Variants in RPS3 observed in about 807,000 individuals in gnomAD.
RPS3 encodes the protein small ribosomal subunit protein uS3.
A neutral mutation model predicts 25.8 loss-of-function variants in RPS3; 2 were observed. That is an observed-to-expected ratio of 0.08 (90% confidence interval 0.03 to 0.24). The LOEUF (loss-of-function observed/expected upper bound fraction) is 0.24. Ranked by LOEUF, RPS3 falls within the 10% of genes least tolerant of loss-of-function variation. The pLI is 1.00. For synonymous variants in RPS3, 114 were observed against 114.2 expected (o/e 1.00, Z 0.01); for missense variants, 107 against 307.1 (o/e 0.35, Z 4.87).
chr11:75,407,568 T>C (rs566151500), downstream of RPS3, among the ~76,000 whole-genome samples: 1 of 152,174 alleles, frequency 6.6e-6, no homozygotes, highest in African/African-American at 2.4e-5. Context: ...GCCTCCCTGG[T>C]TCACACCATC....
intron 6 of RPS3, among the ~76,000 whole-genome samples, chr11:75,420,300 C>T (rs1948432396): frequency 6.6e-6 from 1 of 152,206 alleles, no homozygotes; most frequent in African/African-American, 2.4e-5. Context: ...TGTTTGTGAA[C>T]CTCTCTTATC....
downstream of RPS3, chr11:75,407,041 A>G (rs1335812152): frequency 3.3e-5 from 5 of 152,222 alleles, no homozygotes; most frequent in Non-Finnish European, 5.9e-5. Context: ...AGACTGCTCT[A>G]TATTCTCATT....
chr11:75,411,464 A>C (rs1948355470), downstream of RPS3, among the ~76,000 whole-genome samples: 1 of 152,018 alleles, frequency 6.6e-6, no homozygotes, highest in Non-Finnish European at 1.5e-5. Context: ...ATCTCGGCTC[A>C]CTGCAAGCTC....
intron 6 of RPS3, among the ~76,000 whole-genome samples, chr11:75,418,376 A>G (rs1265906545): frequency 6.6e-6 from 1 of 152,202 alleles, no homozygotes; most frequent in Non-Finnish European, 1.5e-5. Flanking sequence ...ACATTTTTTA[A>G]CCGTATTTGG....
At position 75,405,082 on chromosome 11, in the gene RPS3, C is replaced by T. The variant is rs1214393826; in HGVS notation, c.*3+214C>T. On this transcript the variant is annotated intron_variant, in intron 6 of 6. Coordinates refer to ENST00000531188, the MANE Select transcript of RPS3 (RefSeq NM_001005.5). Reference sequence around the variant, plus strand: ...CCTTTATTCTTTCCAGAAAGAAGTTCCTGCTTTTACTCGTGTATATGAAAT... The same window carrying T: ...CCTTTATTCTTTCCAGAAAGAAGTTTCTGCTTTTACTCGTGTATATGAAAT... 9.7e-6 allele frequency: 4 copies of T among 412,228 alleles called. No individual in the cohort carries two copies. The Admixed American group carries it at 1.6e-4, about 17-fold the overall frequency. The allele number at this position is 412,228 out of a possible 1,614,324, so 25.5% of individuals were successfully genotyped here.
At chr11:75,419,127 A>G (rs955798840) in intron 6 of RPS3, among the ~76,000 whole-genome samples, 6 of 152,204 alleles carry the variant, frequency 3.9e-5, no homozygotes, top group Non-Finnish European at 7.3e-5. Context: ...TACCCTCAGC[A>G]TACCAGGAAA....
At position 75,406,661 on chromosome 11, in the gene RPS3, T is replaced by C. The variant is rs1234729975; in HGVS notation, c.*1051T>C. 1 of 152,218 alleles carries C rather than the reference T, an allele frequency of 6.6e-6. No homozygotes were observed. Among genetic ancestry groups the C allele is most frequent in the African/African-American group, 2.4e-5 (1 of 41,452 alleles). 9.4% of individuals were successfully genotyped at this position (152,218 alleles called of 1,614,324 possible). ...ACTCATAAATTGGTCATCTTAACCA[T>C]TTAAGTGTACACTTCTATAGTGACA... On this transcript the variant is annotated 3_prime_UTR_variant, in exon 7 of 7. Transcript: ENST00000531188.
At chr11:75,401,900 T>G in intron 3 of RPS3, 167 bp downstream of exon 3, 1 of 597,300 alleles carries the variant, frequency 1.7e-6, no homozygotes, top group Non-Finnish European at 3.0e-6. Flanking sequence ...ATTCTGCTAA[T>G]GGCTGATGGT....
At chr11:75,416,379 A>G (rs1482025334) in intron 6 of RPS3, among the ~76,000 whole-genome samples, 3 of 152,252 alleles carry the variant, frequency 2.0e-5, no homozygotes, top group African/African-American at 7.2e-5. Context: ...ATAGCTGGGC[A>G]GATAATCAAT....
At chr11:75,407,384 C>T (rs773332462), downstream of RPS3, among the ~76,000 whole-genome samples, 1 of 152,240 alleles carries the variant, frequency 6.6e-6, no homozygotes, top group Admixed American at 6.5e-5. Flanking sequence ...GTGATCCCCC[C>T]ACCTCGGCCT....
chr11:75,417,545 C>T (rs949805930), intron 6 of RPS3, among the ~76,000 whole-genome samples: 13 of 152,300 alleles, frequency 8.5e-5, no homozygotes, highest in African/African-American at 2.4e-4. Context: ...TACAGTGAGC[C>T]GAGATCGCGC....
intron 6 of RPS3, among the ~76,000 whole-genome samples, chr11:75,414,017 C>G (rs7119129): frequency 0.017 from 2,645 of 152,200 alleles, 78 homozygotes; most frequent in African/African-American, 0.06. Context: ...CCTCAGTGAA[C>G]GATTTTTCAG....
In RPS3 at chr11:75,406,427, G is replaced by T. The variant is rs996238653; in HGVS notation, c.*817G>T. The T allele has an allele frequency of 6.6e-6, 1 of 152,192 alleles. No individual in the cohort carries two copies. The highest frequency in any genetic ancestry group is 2.4e-5 in the African/African-American group (1 of 41,432). 9.4% of individuals were successfully genotyped at this position (152,192 alleles called of 1,614,324 possible). On this transcript the variant is annotated 3_prime_UTR_variant, in exon 7 of 7. Transcript: ENST00000531188. ...GACTTCCAGGGAAAGCTGTTATCAG[G>T]TGGCTGCTTCCTGGTGATGCAGCCT...
intron 1 of RPS3, 124 bp from the exon 2 acceptor site, chr11:75,400,570 G>A (rs772728552): frequency 7.2e-7 from 1 of 1,389,538 alleles, no homozygotes; most frequent in Non-Finnish European, 1.0e-6. Flanking sequence ...CAAGGGTTTG[G>A]AACCATTGGT....
chr11:75,400,893 AT>A (rs1565162958), intron 2 of RPS3, 69 bp downstream of exon 2: 8 of 1,515,702 alleles, frequency 5.3e-6, no homozygotes, highest in East Asian at 2.5e-5. Context: ...TTATTTATTT[AT>A]TTTTTTGAGA....
chr11:75,420,672 G>A (rs1458585088), intron 6 of RPS3, among the ~76,000 whole-genome samples: 1 of 152,102 alleles, frequency 6.6e-6, no homozygotes, highest in Non-Finnish European at 1.5e-5. Flanking sequence ...GGGAAGCCTT[G>A]TTCCAGGCGC....
intron 6 of RPS3, among the ~76,000 whole-genome samples, chr11:75,421,476 C>A (rs1013566725): frequency 6.6e-6 from 1 of 152,182 alleles, no homozygotes; most frequent in Non-Finnish European, 1.5e-5. Context: ...TGTTCCCTTT[C>A]TCTCCCTCTC....
intron 6 of RPS3, among the ~76,000 whole-genome samples, chr11:75,416,903 A>G (rs1948403763): frequency 6.6e-6 from 1 of 152,204 alleles, no homozygotes; most frequent in African/African-American, 2.4e-5. Flanking sequence ...CTCCTCAGGG[A>G]CATTAGATTT....
intron 4 of RPS3, 97 bp downstream of exon 4, chr11:75,402,543 C>A: frequency 1.5e-6 from 2 of 1,315,012 alleles, no homozygotes; most frequent in Non-Finnish European, 2.1e-6. Flanking sequence ...TACAAAGTTA[C>A]AGGATCTGCT....
Sources: gnomAD v4.1 joint callset for allele counts (sites outside exome capture counted in the v4.1 genomes callset) on GRCh38, gnomAD v4.1.1 for gene constraint, MANE v1.5 for transcripts, NCBI Gene and HGNC (gene_info 2026-07-23, HGNC 2026-07-21) for gene names.